Variants in RABGAP1 observed in about 807,000 individuals in gnomAD.
RABGAP1 encodes rab GTPase-activating protein 1.
A neutral mutation model predicts 137.6 loss-of-function variants in RABGAP1; 23 were observed. The ratio of observed to expected loss-of-function variants is 0.17; its 90% CI spans 0.12 to 0.24. The LOEUF is 0.24. RABGAP1 is among the 10% of genes least tolerant of loss of function. RABGAP1 has a pLI of 1.00. For missense variants in RABGAP1, 906 were observed against 1,275.8 expected (o/e 0.71, Z 4.42); for synonymous variants, 451 against 450.7 (o/e 1.00, Z -0.01).
At chr9:123,094,005 A>AT (rs2035108263) in intron 21 of RABGAP1, among the ~76,000 whole-genome samples, 1 of 152,068 alleles carries the variant, frequency 6.6e-6, no homozygotes, top group Admixed American at 6.5e-5. Flanking sequence ...GTTTTAATCT[A>AT]TTTTTGTAAA....
intron 10 of RABGAP1, among the ~76,000 whole-genome samples, chr9:123,003,576 T>C (rs1250276071): frequency 1.3e-5 from 2 of 152,204 alleles, no homozygotes. Flanking sequence ...AAACAATATG[T>C]AAATGCTTTT....
intron 6 of RABGAP1, among the ~76,000 whole-genome samples, chr9:122,992,075 CA>C (rs1356990174): frequency 2.0e-5 from 3 of 151,648 alleles, no homozygotes; most frequent in Non-Finnish European, 4.4e-5. Context: ...CTTGCTCTGT[CA>C]CCAAGGCTGG....
intron 4 of RABGAP1, among the ~76,000 whole-genome samples, chr9:122,986,920 G>A (rs1056529456): frequency 1.3e-5 from 2 of 151,986 alleles, no homozygotes; most frequent in Non-Finnish European, 2.9e-5. Flanking sequence ...TTAAGTTCAG[G>A]GGTTCGAGAC....
chr9:123,001,535 T>C (rs989491890), intron 10 of RABGAP1, among the ~76,000 whole-genome samples: 12 of 152,230 alleles, frequency 7.9e-5, no homozygotes, highest in Non-Finnish European at 1.3e-4. Flanking sequence ...TTTTCAGTGT[T>C]GTCCTAAGAG....
chr9:123,015,756 C>T, intron 12 of RABGAP1, 120 bp downstream of exon 12: 1 of 599,724 alleles, frequency 1.7e-6, no homozygotes, highest in South Asian at 2.4e-5. Context: ...TGTTTGCATT[C>T]TGTGATCTAT....
intron 13 of RABGAP1, among the ~76,000 whole-genome samples, chr9:123,039,627 A>G (rs2032853720): frequency 6.6e-6 from 1 of 152,198 alleles, no homozygotes. Flanking sequence ...TGAGTCCTCT[A>G]TATACTTAGA....
chr9:122,949,970 G>A (rs1261950471), intron 1 of RABGAP1, among the ~76,000 whole-genome samples: 1 of 152,186 alleles, frequency 6.6e-6, no homozygotes, highest in Non-Finnish European at 1.5e-5. Context: ...ACATATTTGT[G>A]TATATAGTAT....
At chr9:123,068,363 A>G (rs181291936) in intron 14 of RABGAP1, among the ~76,000 whole-genome samples, 103 of 152,028 alleles carry the variant, frequency 6.8e-4, no homozygotes, top group Middle Eastern at 3.4e-3. Context: ...AAAAAAAAAA[A>G]AAAGAAAAAA....
chr9:122,953,494 C>G (rs1161164916), intron 1 of RABGAP1, among the ~76,000 whole-genome samples: 1 of 151,958 alleles, frequency 6.6e-6, no homozygotes, highest in Non-Finnish European at 1.5e-5. Flanking sequence ...CTCTGCCTCC[C>G]GGGTTCAAGC....
At chr9:122,981,770 C>T (rs921453217) in intron 2 of RABGAP1, among the ~76,000 whole-genome samples, 20 of 152,076 alleles carry the variant, frequency 1.3e-4, no homozygotes, top group Admixed American at 7.2e-4. Context: ...GTATGCAGGC[C>T]GGGTGTAGTG....
intron 19 of RABGAP1, among the ~76,000 whole-genome samples, chr9:123,083,827 T>C (rs939120482): frequency 6.6e-6 from 1 of 152,232 alleles, no homozygotes; most frequent in Non-Finnish European, 1.5e-5. Flanking sequence ...GGCTGCTGCT[T>C]GCATCCCTCA....
At chr9:122,971,637 A>G (rs1835477363) in intron 2 of RABGAP1, 1 of 152,224 alleles carries the variant, frequency 6.6e-6, no homozygotes, top group Non-Finnish European at 1.5e-5. Context: ...TAAGCCAACT[A>G]AAACTGGAAT....
At chr9:123,018,446 C>T (rs936599855) in intron 12 of RABGAP1, among the ~76,000 whole-genome samples, 1 of 152,326 alleles carries the variant, frequency 6.6e-6, no homozygotes, top group Admixed American at 6.5e-5. Context: ...TAGTCTGTCA[C>T]AGCTACTCAG....
intron 13 of RABGAP1, among the ~76,000 whole-genome samples, chr9:123,032,089 G>C (rs1421283722): frequency 6.6e-6 from 1 of 152,172 alleles, no homozygotes; most frequent in African/African-American, 2.4e-5. Flanking sequence ...GGCCCTTCAG[G>C]ATTCAGAGGA....
At chr9:122,996,847 G>C (rs1237856431) in intron 8 of RABGAP1, 1 of 477,582 alleles carries the variant, frequency 2.1e-6, no homozygotes, top group Non-Finnish European at 3.8e-6. Context: ...AAATATTTGA[G>C]TACAGTTGAT....
intron 13 of RABGAP1, among the ~76,000 whole-genome samples, chr9:123,032,195 A>G (rs900947549): frequency 6.6e-6 from 1 of 152,202 alleles, no homozygotes; most frequent in East Asian, 1.9e-4. Context: ...GTAAAGTTAT[A>G]TACCCCCTCT....
intron 24 of RABGAP1, among the ~76,000 whole-genome samples, chr9:123,100,320 C>T (rs117992023): frequency 4.0e-5 from 6 of 151,834 alleles, no homozygotes; most frequent in East Asian, 3.9e-4. Context: ...GCTATGTTTG[C>T]GCAAAGCAAC....
At position 123,024,526 on chromosome 9, in the gene RABGAP1, G is replaced by A. The variant is rs1048447174; in HGVS notation, c.1794+4067G>A. Among the ~76,000 whole-genome samples, 14 of 150,806 alleles carry A rather than the reference G, an allele frequency of 9.3e-5. No homozygotes were observed. In the East Asian group the frequency reaches 1.6e-3, roughly 17 times the overall value. ...ACGATCTCAGCTCACTGCAACCTCCGCCTCCCGGGTTCAAACGATTCTCCT... is the reference window on the plus strand; with the variant it reads ...ACGATCTCAGCTCACTGCAACCTCCACCTCCCGGGTTCAAACGATTCTCCT... On this transcript the variant is annotated intron_variant, in intron 13 of 25. Coordinates refer to ENST00000373647, the MANE Select transcript of RABGAP1 (RefSeq NM_012197.4).
At chr9:122,961,060 G>A (rs999300500) in intron 2 of RABGAP1, among the ~76,000 whole-genome samples, 2 of 152,004 alleles carry the variant, frequency 1.3e-5, no homozygotes, top group East Asian at 3.9e-4. Context: ...GCTTGTAATA[G>A]GAGTATCAAA....
Sources: gnomAD v4.1 joint callset for allele counts (sites outside exome capture counted in the v4.1 genomes callset) on GRCh38, gnomAD v4.1.1 for gene constraint, MANE v1.5 for transcripts, NCBI Gene and HGNC (gene_info 2026-07-23, HGNC 2026-07-21) for gene names.